The following SPAG16 variants were observed in gnomAD, a reference collection of about 807,000 sequenced individuals.
The protein encoded by SPAG16 is sperm-associated antigen 16 protein.
SPAG16 carries 86 observed loss-of-function variants against 80.4 expected under a neutral mutation model. The ratio of observed to expected loss-of-function variants is 1.07; its 90% CI spans 0.90 to 1.28. SPAG16 has a LOEUF of 1.28. Among genes scored for constraint, SPAG16 ranks in the 50% most tolerant of loss-of-function variants. SPAG16 has a pLI of 0.00. For synonymous variants in SPAG16, 294 were observed against 265.9 expected (o/e 1.11, Z -1.03); for missense variants, 870 against 765.3 (o/e 1.14, Z -1.61).
intron 10 of SPAG16, among the ~76,000 whole-genome samples, chr2:213,847,309 A>T (rs2074679776): frequency 6.6e-6 from 1 of 152,170 alleles, no homozygotes; most frequent in Admixed American, 6.6e-5. Context: ...TTTTATAAAG[A>T]AAAGAGGTTT....
chr2:214,149,103 A>C (rs1576353141), intron 14 of SPAG16, 37 bp from the exon 15 acceptor site: 7 of 1,089,388 alleles, frequency 6.4e-6, no homozygotes, highest in Non-Finnish European at 9.0e-6. Flanking sequence ...ATATACATAC[A>C]TACACATTTT....
intron 13 of SPAG16, among the ~76,000 whole-genome samples, chr2:214,079,142 G>A (rs901346296): frequency 2.0e-5 from 3 of 152,040 alleles, no homozygotes; most frequent in East Asian, 3.9e-4. Context: ...AAGATAGAAA[G>A]ACATGACATA....
At chr2:213,625,249 T>A (rs1233183417) in intron 10 of SPAG16, among the ~76,000 whole-genome samples, 1 of 152,126 alleles carries the variant, frequency 6.6e-6, no homozygotes, top group Non-Finnish European at 1.5e-5. Flanking sequence ...TATACAGGCT[T>A]CTGCTTCTGA....
chr2:213,327,868 A>G (rs924250364), intron 5 of SPAG16, among the ~76,000 whole-genome samples: 7 of 152,102 alleles, frequency 4.6e-5, no homozygotes, highest in Non-Finnish European at 1.0e-4. Flanking sequence ...GTATTATGAA[A>G]TGATGATGAT....
At chr2:213,702,313 C>T (rs1029197831) in intron 10 of SPAG16, among the ~76,000 whole-genome samples, 14 of 152,242 alleles carry the variant, frequency 9.2e-5, no homozygotes, top group African/African-American at 3.4e-4. Context: ...GCTGCGGCAA[C>T]CCGCTTGGGT....
At chr2:213,426,754 GGT>G (rs148203065) in intron 9 of SPAG16, among the ~76,000 whole-genome samples, 5,331 of 140,462 alleles carry the variant, frequency 0.038, 189 homozygotes, top group African/African-American at 0.093. Context: ...GCATAAATCT[GGT>G]GTGTGTGTGT....
At chr2:214,030,717 T>C (rs1479731942) in intron 13 of SPAG16, among the ~76,000 whole-genome samples, 1 of 152,206 alleles carries the variant, frequency 6.6e-6, no homozygotes, top group Non-Finnish European at 1.5e-5. Context: ...CCTAGGAGAC[T>C]GTAACAGATG....
At chr2:213,472,625 G>C (rs995676316) in intron 9 of SPAG16, among the ~76,000 whole-genome samples, 8 of 152,156 alleles carry the variant, frequency 5.3e-5, no homozygotes, top group African/African-American at 1.9e-4. Flanking sequence ...ACCTGTCAGA[G>C]AGCCAATGTG....
At chr2:214,216,470 T>A (rs957276557) in intron 15 of SPAG16, among the ~76,000 whole-genome samples, 1 of 152,088 alleles carries the variant, frequency 6.6e-6, no homozygotes, top group African/African-American at 2.4e-5. Context: ...TACAGGCACA[T>A]GCCACCACGC....
chr2:214,173,522 C>A (rs1364705111), intron 15 of SPAG16, among the ~76,000 whole-genome samples: 1 of 151,888 alleles, frequency 6.6e-6, no homozygotes, highest in Non-Finnish European at 1.5e-5. Flanking sequence ...AGTATGAAGT[C>A]AGGAAGAAGT....
intron 15 of SPAG16, among the ~76,000 whole-genome samples, chr2:214,300,617 A>C (rs1463402328): frequency 1.3e-5 from 2 of 152,204 alleles, no homozygotes; most frequent in Non-Finnish European, 2.9e-5. Context: ...CATAATTGAC[A>C]AGGAAATTTG....
At chr2:213,823,485 T>C (rs986529256) in intron 10 of SPAG16, among the ~76,000 whole-genome samples, 1 of 152,054 alleles carries the variant, frequency 6.6e-6, no homozygotes, top group African/African-American at 2.4e-5. Context: ...CTCAGCCTCC[T>C]GAGTAGCTGG....
At chr2:213,871,738 A>T (rs1417913997) in intron 11 of SPAG16, among the ~76,000 whole-genome samples, 1 of 152,020 alleles carries the variant, frequency 6.6e-6, no homozygotes, top group East Asian at 1.9e-4. Flanking sequence ...TTTAATGACC[A>T]GTTGACCAAT....
At chr2:213,481,828 G>A (rs1409408961) in intron 9 of SPAG16, among the ~76,000 whole-genome samples, 1 of 152,178 alleles carries the variant, frequency 6.6e-6, no homozygotes, top group Non-Finnish European at 1.5e-5. Context: ...TCTCAGAAAA[G>A]GTCTGTGCAA....
At chr2:214,367,623 A>C (rs1200572014) in intron 15 of SPAG16, among the ~76,000 whole-genome samples, 1 of 152,204 alleles carries the variant, frequency 6.6e-6, no homozygotes, top group Admixed American at 6.5e-5. Flanking sequence ...TTCAGGAAAC[A>C]TAGATAGACT....
intron 10 of SPAG16, among the ~76,000 whole-genome samples, chr2:213,743,111 G>A (rs1277845428): frequency 9.0e-6 from 1 of 111,040 alleles, no homozygotes; most frequent in Admixed American, 9.9e-5. Flanking sequence ...CACTGTGTTA[G>A]CGAGGATGGT....
At chr2:214,211,209 G>A (rs2058284479) in intron 15 of SPAG16, among the ~76,000 whole-genome samples, 2 of 152,136 alleles carry the variant, frequency 1.3e-5, no homozygotes, top group Admixed American at 6.6e-5. Context: ...TCTAGTTCAT[G>A]TTGGCTGCAT....
chr2:213,674,694 T>C (rs1466690840), intron 10 of SPAG16, among the ~76,000 whole-genome samples: 1 of 150,368 alleles, frequency 6.7e-6, no homozygotes, highest in Non-Finnish European at 1.5e-5. Flanking sequence ...TTCATCCATG[T>C]CCCTACAAAG....
Position 214,004,841 on chromosome 2 carries a change from C to T in SPAG16, c.1401-9110C>T, listed in dbSNP as rs147233304. On this transcript the variant is annotated intron_variant, in intron 12 of 15. Coordinates refer to ENST00000331683, the MANE Select transcript of SPAG16 (RefSeq NM_024532.5). ...AGCATGAGACCTAGTCAGGGAGTTC[C>T]GAGGAGCCTGGCTAGCATTTGAGCA... Among the ~76,000 whole-genome samples the T allele has an allele frequency of 2.5e-3, 378 of 151,996 alleles. 2 individuals carry two copies. Among genetic ancestry groups the T allele is most frequent in the African/African-American group, 8.7e-3 (361 of 41,480 alleles).
Sources: gnomAD v4.1 joint callset for allele counts (sites outside exome capture counted in the v4.1 genomes callset) on GRCh38, gnomAD v4.1.1 for gene constraint, MANE v1.5 for transcripts, NCBI Gene and HGNC (gene_info 2026-07-23, HGNC 2026-07-21) for gene names.